Variants in DENND1B observed in about 807,000 individuals in gnomAD.
DENND1B encodes the protein DENN domain containing 1B.
A neutral mutation model predicts 90.1 loss-of-function variants in DENND1B; 59 were observed. The ratio of observed to expected loss-of-function variants is 0.65; its 90% CI spans 0.53 to 0.81. The LOEUF (loss-of-function observed/expected upper bound fraction) is 0.81. Ranked by LOEUF, DENND1B falls within the 40% of genes least tolerant of loss-of-function variation. The probability of loss-of-function intolerance (pLI) is 0.00; values close to 1 mark genes in which losing one functional copy is unlikely to be tolerated. For synonymous variants in DENND1B, 337 were observed against 324.6 expected (o/e 1.04, Z -0.41); for missense variants, 862 against 912.6 (o/e 0.94, Z 0.71).
chr1:197,609,812 T>C (rs1677021677), intron 12 of DENND1B, among the ~76,000 whole-genome samples: 1 of 150,632 alleles, frequency 6.6e-6, no homozygotes, highest in Admixed American at 6.6e-5. Flanking sequence ...AATATTTTAA[T>C]TATTCCTTAA....
intron 10 of DENND1B, among the ~76,000 whole-genome samples, chr1:197,635,755 T>C (rs116276285): frequency 0.01 from 1,568 of 152,278 alleles, 29 homozygotes; most frequent in African/African-American, 0.035. Context: ...TGAAAGATGT[T>C]ACACTGGTTA....
Position 197,556,275 on chromosome 1 carries a change from G to C in DENND1B, c.1150-3163C>G, listed in dbSNP as rs997660675. 5.9e-5 allele frequency among the ~76,000 whole-genome samples: 9 copies of C among 152,032 alleles called. No individual in the cohort carries two copies. In the South Asian group the frequency reaches 6.2e-4, roughly 11 times the overall value. On this transcript the variant is annotated intron_variant, in intron 15 of 22. Coordinates refer to ENST00000620048, the MANE Select transcript of DENND1B (RefSeq NM_001195215.2). ...GTACTATGTTCATTATCTGGGATAT[G>C]AGATTATTAGAAGCCCAAACCTCAG...
chr1:197,540,924 T>G, intron 19 of DENND1B, 35 bp downstream of exon 19: 1 of 1,579,592 alleles, frequency 6.3e-7, no homozygotes, highest in African/African-American at 1.4e-5. Context: ...AATACAAGAA[T>G]CAAGGTAAAA....
At position 197,738,626 on chromosome 1, in the gene DENND1B, T is replaced by C. The variant is rs191549062; in HGVS notation, c.83-23552A>G. ...TATATTCCCAAACATTATTTACCCA[T>C]GTACTTAGTTACCATAGCTTTTCTT... On this transcript the variant is annotated intron_variant, in intron 2 of 22. Coordinates refer to ENST00000620048, the MANE Select transcript of DENND1B (RefSeq NM_001195215.2). 9.8e-4 allele frequency among the ~76,000 whole-genome samples: 149 copies of C among 152,356 alleles called. 1 individual carries two copies. The highest frequency in any genetic ancestry group is 3.5e-3 in the African/African-American group (145 of 41,586).
At chr1:197,734,532 A>C (rs1387404137) in intron 2 of DENND1B, 2 of 974,020 alleles carry the variant, frequency 2.1e-6, no homozygotes, top group Non-Finnish European at 2.4e-6. Context: ...AATACACAAA[A>C]ATAGATGTTT....
At chr1:197,548,429 A>G (rs1408090926) in intron 16 of DENND1B, among the ~76,000 whole-genome samples, 24 of 152,184 alleles carry the variant, frequency 1.6e-4, no homozygotes, top group Admixed American at 1.6e-3. Context: ...AAATAAGCAT[A>G]ATAGTCATTG....
chr1:197,623,308 G>A (rs1558317494), intron 10 of DENND1B, among the ~76,000 whole-genome samples: 2 of 151,388 alleles, frequency 1.3e-5, no homozygotes, highest in African/African-American at 4.8e-5. Flanking sequence ...TGTTGCAGAT[G>A]GGAATGTAAT....
At chr1:197,684,405 C>T (rs958295673) in intron 3 of DENND1B, among the ~76,000 whole-genome samples, 2 of 152,136 alleles carry the variant, frequency 1.3e-5, no homozygotes, top group South Asian at 2.1e-4. Flanking sequence ...TTGTTTTCAT[C>T]GAGATTGCAA....
intron 15 of DENND1B, among the ~76,000 whole-genome samples, chr1:197,560,800 C>T (rs1672098006): frequency 6.6e-6 from 1 of 151,912 alleles, no homozygotes; most frequent in South Asian, 2.1e-4. Context: ...CCATCCATTT[C>T]ACAATGTCCT....
chr1:197,675,817 C>T (rs573511013), intron 3 of DENND1B, among the ~76,000 whole-genome samples: 1 of 152,128 alleles, frequency 6.6e-6, no homozygotes, highest in South Asian at 2.1e-4. Context: ...AATTCAATAT[C>T]TCCCTCTAAA....
chr1:197,543,877 T>G (rs1670521752), intron 18 of DENND1B, among the ~76,000 whole-genome samples: 1 of 152,140 alleles, frequency 6.6e-6, no homozygotes, highest in East Asian at 1.9e-4. Context: ...TAACAGAAGT[T>G]CTAAACTTTT....
Position 197,694,307 on chromosome 1 carries a change from TTAA to T in DENND1B, c.127-20141_127-20139del, listed in dbSNP as rs571610781. ...ATTTCAAAGTAACATATTTTATGAG[TTAA>T]TAATGAGTTTATGCCAATTTTGCAA... On this transcript the variant is annotated intron_variant, in intron 3 of 22. Transcript: ENST00000620048. 1.3e-3 allele frequency among the ~76,000 whole-genome samples: 201 copies of T among 151,576 alleles called. 1 individual carries two copies. Among genetic ancestry groups the T allele is most frequent in the African/African-American group, 4.6e-3 (191 of 41,516 alleles).
chr1:197,539,044 G>C (rs1030373381), intron 20 of DENND1B, among the ~76,000 whole-genome samples: 6 of 152,112 alleles, frequency 3.9e-5, no homozygotes, highest in Admixed American at 2.0e-4. Context: ...CCCAGCCTCA[G>C]GTATTCTGGT....
Position 197,589,840 on chromosome 1 carries a change from A to G in DENND1B, c.1047+5368T>C, listed in dbSNP as rs1675031093. Among the ~76,000 whole-genome samples, 3 of 152,202 alleles carry G rather than the reference A, an allele frequency of 2.0e-5. No homozygotes were observed. In the South Asian group the frequency reaches 6.2e-4, roughly 31 times the overall value. On this transcript the variant is annotated intron_variant, in intron 14 of 22. Transcript: ENST00000620048. ...AGGAAAGCTTGAGTGATGGAAACAC[A>G]TGACAGCACCTTAAGCATTAAAGGG...
intron 20 of DENND1B, among the ~76,000 whole-genome samples, chr1:197,526,069 G>C (rs887142568): frequency 2.6e-5 from 4 of 152,020 alleles, no homozygotes; most frequent in African/African-American, 9.7e-5. Context: ...TTTATGTTAG[G>C]AAAACATGTT....
At chr1:197,597,584 CA>C (rs1296288537) in intron 13 of DENND1B, among the ~76,000 whole-genome samples, 2 of 151,810 alleles carry the variant, frequency 1.3e-5, no homozygotes, top group Admixed American at 1.3e-4. Context: ...ACTAAGAATA[CA>C]GGCAAGTCAA....
At chr1:197,549,349 T>C (rs1199432884) in intron 16 of DENND1B, among the ~76,000 whole-genome samples, 3 of 152,134 alleles carry the variant, frequency 2.0e-5, no homozygotes, top group African/African-American at 2.4e-5. Context: ...CGTCTTCAAA[T>C]TCCTTTGATA....
At chr1:197,642,616 A>C in intron 10 of DENND1B, 95 bp downstream of exon 10, 1 of 764,886 alleles carries the variant, frequency 1.3e-6, no homozygotes, top group East Asian at 2.8e-5. Context: ...TTGTCTTATA[A>C]GTACACATAG....
At chr1:197,692,003 T>C (rs1657941013) in intron 3 of DENND1B, among the ~76,000 whole-genome samples, 1 of 151,974 alleles carries the variant, frequency 6.6e-6, no homozygotes, top group South Asian at 2.1e-4. Flanking sequence ...GGTACAAAGT[T>C]CAGTTATATA....
Sources: gnomAD v4.1 joint callset for allele counts (sites outside exome capture counted in the v4.1 genomes callset) on GRCh38, gnomAD v4.1.1 for gene constraint, MANE v1.5 for transcripts, NCBI Gene and HGNC (gene_info 2026-07-23, HGNC 2026-07-21) for gene names.